The following LRRFIP2 variants were observed in gnomAD, a reference collection of about 807,000 sequenced individuals.
LRRFIP2 encodes leucine-rich repeat flightless-interacting protein 2.
LRRFIP2 carries 109 observed loss-of-function variants against 125.9 expected under a neutral mutation model. The ratio of observed to expected loss-of-function variants is 0.87; its 90% confidence interval spans 0.74 to 1.01. The LOEUF (loss-of-function observed/expected upper bound fraction) is 1.01, where lower values mean the gene tolerates loss of function less well. LRRFIP2 is among the 50% of genes least tolerant of loss of function. The pLI is 0.00. For synonymous variants in LRRFIP2, 291 were observed against 293.1 expected (o/e 0.99, Z 0.07); for missense variants, 850 against 862.3 (o/e 0.99, Z 0.18).
intron 1 of LRRFIP2, among the ~76,000 whole-genome samples, chr3:37,149,938 T>A (rs1245572989): frequency 6.6e-6 from 1 of 151,376 alleles, no homozygotes; most frequent in Non-Finnish European, 1.5e-5. Flanking sequence ...GAGATGGAGG[T>A]TGCAGTCAGC....
chr3:37,055,230 A>G (rs2086471877), intron 25 of LRRFIP2, 65 bp from the exon 26 acceptor site: 1 of 964,368 alleles, frequency 1.0e-6, no homozygotes, highest in East Asian at 2.6e-5. Flanking sequence ...GCCATCAGGC[A>G]GTACCTCTGT....
At chr3:37,106,595 C>T (rs1212377257) in intron 13 of LRRFIP2, among the ~76,000 whole-genome samples, 1 of 152,178 alleles carries the variant, frequency 6.6e-6, no homozygotes, top group African/African-American at 2.4e-5. Context: ...ATTACTTGAG[C>T]CCAAGAGTTC....
At chr3:37,144,765 G>T (rs1008057462) in intron 2 of LRRFIP2, among the ~76,000 whole-genome samples, 3 of 152,152 alleles carry the variant, frequency 2.0e-5, no homozygotes, top group Non-Finnish European at 4.4e-5. Context: ...ATGAGGTCTG[G>T]AATTGCCAGC....
In LRRFIP2 at chr3:37,094,781, C is replaced by T. The variant is rs1406699483; in HGVS notation, c.1035+11G>A. The T allele has an allele frequency of 1.9e-6, 3 of 1,594,566 alleles. No homozygotes were observed. The highest frequency in any genetic ancestry group is 2.2e-5 in the South Asian group (2 of 90,356). On this transcript the variant is annotated intron_variant, in intron 17 of 27. Transcript: ENST00000336686. Reference sequence around the variant, plus strand: ...CTGCTTTTAAAAAGAAAACCAAAAACTTCAGTTTACCCGCAATTCACTTAA... The same window carrying T: ...CTGCTTTTAAAAAGAAAACCAAAAATTTCAGTTTACCCGCAATTCACTTAA...
chr3:37,119,576 A>C (rs886810046), intron 6 of LRRFIP2, among the ~76,000 whole-genome samples: 2 of 152,252 alleles, frequency 1.3e-5, no homozygotes, highest in Non-Finnish European at 1.5e-5. Flanking sequence ...CATAAATACA[A>C]GAAGAGGATT....
chr3:37,113,736 C>G (rs150256645), intron 7 of LRRFIP2, among the ~76,000 whole-genome samples: 15 of 152,340 alleles, frequency 9.8e-5, no homozygotes, highest in Middle Eastern at 3.4e-3. Context: ...CCAGACAGTA[C>G]TCTTAACCCA....
intron 25 of LRRFIP2, among the ~76,000 whole-genome samples, chr3:37,055,589 A>G (rs1388292781): frequency 6.6e-6 from 1 of 152,176 alleles, no homozygotes; most frequent in Admixed American, 6.6e-5. Context: ...ATTACAAAAT[A>G]CAAATGCACA....
At position 37,102,965 on chromosome 3, in the gene LRRFIP2, C is replaced by CAACA. The variant is rs2094143751; in HGVS notation, c.828_831dup (p.Val278CysfsTer4). On this transcript the variant is annotated frameshift_variant, in exon 15 of 28. Transcript: ENST00000336686. LOFTEE classifies it high-confidence loss of function. The stretch of plus-strand genomic sequence containing the variant: ...ATACTGATATCATCCACCTCAGAGA[C>CAACA]AACACTTCCCCTACGATTGGAGCGA... The CAACA allele has an allele frequency of 6.4e-7, 1 of 1,566,116 alleles. No homozygotes were observed. Among genetic ancestry groups the CAACA allele is most frequent in the Non-Finnish European group, 8.7e-7 (1 of 1,153,594 alleles).
At chr3:37,105,681 G>C (rs2094285039) in intron 13 of LRRFIP2, among the ~76,000 whole-genome samples, 158 bp from the exon 14 acceptor site, 1 of 152,146 alleles carries the variant, frequency 6.6e-6, no homozygotes, top group Non-Finnish European at 1.5e-5. Context: ...TAATAAAAAA[G>C]CTGGTACAAG....
rs532062070 is a variant in LRRFIP2, at chr3:37,147,733, G to A, written c.90+1161C>T. On this transcript the variant is annotated intron_variant, in intron 2 of 27. Coordinates refer to ENST00000336686, the MANE Select transcript of LRRFIP2 (RefSeq NM_006309.4). Reference sequence around the variant, plus strand: ...TCTCACCAAAAGAATATAATTTAATGATGCTCTAAGCAATTCTTATACCAT... The same window carrying A: ...TCTCACCAAAAGAATATAATTTAATAATGCTCTAAGCAATTCTTATACCAT... Among the ~76,000 whole-genome samples, 4 of 152,324 alleles carry A rather than the reference G, an allele frequency of 2.6e-5. No individual in the cohort carries two copies. The East Asian group carries it at 7.7e-4, about 29-fold the overall frequency.
chr3:37,075,146 C>A (rs369746147), intron 19 of LRRFIP2, 30 bp from the exon 20 acceptor site: 1 of 1,474,762 alleles, frequency 6.8e-7, no homozygotes, highest in Non-Finnish European at 9.4e-7. Context: ...ATCATTTACA[C>A]AGGTCATGGC....
chr3:37,064,201 G>A (rs1337526928), intron 23 of LRRFIP2: 2 of 164,942 alleles, frequency 1.2e-5, no homozygotes, highest in East Asian at 1.8e-4. Flanking sequence ...GCAGGACTGG[G>A]CAAAGGAAGC....
At chr3:37,069,177 T>G (rs902026718) in intron 21 of LRRFIP2, among the ~76,000 whole-genome samples, 1 of 152,172 alleles carries the variant, frequency 6.6e-6, no homozygotes, top group South Asian at 2.1e-4. Context: ...GAACACAGTA[T>G]AACTGTTACT....
intron 2 of LRRFIP2, among the ~76,000 whole-genome samples, chr3:37,147,593 A>C (rs1435538275): frequency 6.6e-6 from 1 of 152,216 alleles, no homozygotes; most frequent in Non-Finnish European, 1.5e-5. Context: ...AGCTTCCAAA[A>C]GGAAAATCAT....
upstream of LRRFIP2, among the ~76,000 whole-genome samples, chr3:37,175,524 G>C (rs756235196): frequency 8.5e-5 from 13 of 152,210 alleles, no homozygotes; most frequent in Non-Finnish European, 1.8e-4. Flanking sequence ...AGGCAGGGCT[G>C]ACTGGAGTTC....
intron 20 of LRRFIP2, among the ~76,000 whole-genome samples, chr3:37,073,092 A>G (rs1242745366): frequency 6.6e-6 from 1 of 152,232 alleles, no homozygotes; most frequent in Non-Finnish European, 1.5e-5. Context: ...CCCCTACAAA[A>G]GTAAGCAAAG....
intron 8 of LRRFIP2, 147 bp from the exon 9 acceptor site, chr3:37,111,212 A>G (rs1346050039): frequency 1.7e-6 from 1 of 575,806 alleles, no homozygotes; most frequent in African/African-American, 1.9e-5. Context: ...ATCATATCAC[A>G]TTAAGTCAAA....
At chr3:37,077,371 T>G (rs1338055480) in intron 19 of LRRFIP2, among the ~76,000 whole-genome samples, 1 of 152,198 alleles carries the variant, frequency 6.6e-6, no homozygotes, top group Non-Finnish European at 1.5e-5. Flanking sequence ...GCAAGATATC[T>G]CTATACAACA....
chr3:37,132,897 T>C (rs1373606321), intron 2 of LRRFIP2, among the ~76,000 whole-genome samples: 1 of 152,178 alleles, frequency 6.6e-6, no homozygotes, highest in Non-Finnish European at 1.5e-5. Flanking sequence ...ATAAATGGGA[T>C]ATAACAATAA....
Sources: allele counts gnomAD v4.1 joint callset (sites outside exome capture counted in the v4.1 genomes callset), GRCh38; gene constraint gnomAD v4.1.1; transcripts MANE v1.5; gene names NCBI Gene and HGNC (gene_info 2026-07-23, HGNC 2026-07-21).